Variants in SYNE2 observed in about 807,000 individuals in gnomAD.
The protein encoded by SYNE2 is nesprin-2.
A neutral mutation model predicts 856.3 loss-of-function variants in SYNE2; 431 were observed. The observed-to-expected ratio is 0.50, with a 90% CI of 0.47 to 0.55. SYNE2 has a LOEUF of 0.55. SYNE2 is among the 20% of genes least tolerant of loss of function. The pLI, the probability that SYNE2 is intolerant of heterozygous loss-of-function variation, is 0.00. For synonymous variants in SYNE2, 2,923 were observed against 2,872.3 expected, an observed-to-expected ratio of 1.02 and a Z score of -0.56; for missense variants, 8,129 against 8,023.2, an observed-to-expected ratio of 1.01 and a Z score of -0.50.
chr14:64,081,316 C>A (rs1432652841), intron 56 of SYNE2, 127 bp from the exon 57 acceptor site: 8 of 1,136,652 alleles, frequency 7.0e-6, no homozygotes, highest in Non-Finnish European at 1.1e-5. Context: ...GTAGCCCCAG[C>A]CATGGGGAGC....
At position 64,203,245 on chromosome 14, in the gene SYNE2, A is replaced by T. The variant is rs75002329; in HGVS notation, c.18201+282A>T. On this transcript the variant is annotated intron_variant, in intron 100 of 115. Transcript: ENST00000555002. ...ATTTTTTTAATTATGTCTTTTTTTAACTGATCTTTGTTGTGTTTTGTTAAT... is the reference window on the plus strand; with the variant it reads ...ATTTTTTTAATTATGTCTTTTTTTATCTGATCTTTGTTGTGTTTTGTTAAT... Among the ~76,000 whole-genome samples the T allele has an allele frequency of 0.029, 4,382 of 152,090 alleles. 82 individuals carry two copies. Among genetic ancestry groups the T allele is most frequent in the South Asian group, 0.066 (317 of 4,804 alleles).
intron 99 of SYNE2, among the ~76,000 whole-genome samples, chr14:64,194,379 AC>A (rs1470554234): frequency 6.6e-6 from 1 of 151,686 alleles, no homozygotes; most frequent in Non-Finnish European, 1.5e-5. Context: ...TGCAGCCTCT[AC>A]CTTTCAGGCT....
chr14:64,054,740 T>C (rs990724135), intron 48 of SYNE2, among the ~76,000 whole-genome samples: 1 of 152,212 alleles, frequency 6.6e-6, no homozygotes, highest in East Asian at 1.9e-4. Flanking sequence ...AGTGGATATC[T>C]TAGGCATCAT....
Position 64,031,304 on chromosome 14 carries a change from A to T in SYNE2, c.7168A>T (p.Thr2390Ser). Residue 2390 changes from threonine (T) to serine (S), a missense_variant, in exon 45 of 116, where the codon ACT becomes TCT. By Grantham distance (58) the Thr-to-Ser change is moderately conservative. Coordinates refer to ENST00000555002, the MANE Select transcript of SYNE2 (RefSeq NM_182914.3). ...KQATSDVQES[T>S]QESAAVEKLE... ...GGCCACTTCTGATGTGCAGGAGTCT[A>T]CTCAGGAATCAGCTGCAGTGGAAAA... is the stretch of plus-strand genomic sequence containing the variant. The T allele has an allele frequency of 6.2e-7, 1 of 1,614,160 alleles. No individual in the cohort carries two copies. Among genetic ancestry groups the T allele is most frequent in the Non-Finnish European group, 8.5e-7 (1 of 1,180,026 alleles).
At chr14:64,045,302 A>C (rs4275767) in intron 45 of SYNE2, among the ~76,000 whole-genome samples, 125,670 of 152,098 alleles carry the variant, frequency 0.83, 52,855 homozygotes, top group Non-Finnish European at 0.9. Context: ...GTTGTGTAAC[A>C]GTAGTCCTCA....
intron 86 of SYNE2, 152 bp downstream of exon 86, chr14:64,158,947 A>G: frequency 1.1e-6 from 1 of 897,330 alleles, no homozygotes; most frequent in South Asian, 1.4e-5. Flanking sequence ...TGGAAATTCC[A>G]AAATAAGTCA....
Position 64,090,889 on chromosome 14 carries a change from C to T in SYNE2, c.11817C>T (p.Pro3939=). Residue 3939 remains proline, a synonymous_variant, in exon 60 of 116, where the codon CCC becomes CCT. Coordinates refer to ENST00000555002, the MANE Select transcript of SYNE2 (RefSeq NM_182914.3). ...HGEVILENIR[P]MKKTIAEIVS... ...AGGTCATACTTGAAAATATACGTCCCATGAAGAAAACCATTGCTGAGATAG... is the reference window on the plus strand; with the variant it reads ...AGGTCATACTTGAAAATATACGTCCTATGAAGAAAACCATTGCTGAGATAG... 6.2e-7 allele frequency: 1 copy of T among 1,614,058 alleles called. No homozygotes were observed. The highest frequency in any genetic ancestry group is 1.6e-4 in the Middle Eastern group (1 of 6,062).
At chr14:63,855,525 G>T (rs1891492046) in intron 1 of SYNE2, among the ~76,000 whole-genome samples, 1 of 152,148 alleles carries the variant, frequency 6.6e-6, no homozygotes, top group South Asian at 2.1e-4. Flanking sequence ...GTTGTGCGCT[G>T]CCTGGAATGA....
At chr14:64,142,164 G>A in intron 82 of SYNE2, 76 bp downstream of exon 82, 1 of 1,540,334 alleles carries the variant, frequency 6.5e-7, no homozygotes. Flanking sequence ...TGGACAAAGG[G>A]ACACATAGGA....
intron 11 of SYNE2, among the ~76,000 whole-genome samples, chr14:63,969,151 A>C (rs915810798): frequency 6.6e-6 from 1 of 151,108 alleles, no homozygotes; most frequent in Non-Finnish European, 1.5e-5. Context: ...ACATTGTTGC[A>C]AATGACAGAA....
At chr14:64,209,720 G>C in intron 102 of SYNE2, 142 bp downstream of exon 102, 1 of 1,284,384 alleles carries the variant, frequency 7.8e-7, no homozygotes, top group Non-Finnish European at 1.1e-6. Flanking sequence ...GCCCCCAGCT[G>C]CTGAGACAGC....
intron 1 of SYNE2, among the ~76,000 whole-genome samples, chr14:63,855,611 T>TCTTTAC (rs1891521577): frequency 6.6e-6 from 1 of 152,206 alleles, no homozygotes; most frequent in Admixed American, 6.6e-5. Flanking sequence ...TTGATGTTAT[T>TCTTTAC]TTGTCAGTGA....
chr14:64,039,137 G>A (rs1465650101), intron 45 of SYNE2, among the ~76,000 whole-genome samples: 2 of 152,196 alleles, frequency 1.3e-5, no homozygotes, highest in African/African-American at 4.8e-5. Context: ...GTATGCTTAT[G>A]CAAGAGTTGT....
chr14:64,126,307 CTTTTTT>C lies in SYNE2; in HGVS notation c.13555-19_13555-14del. ...GCAAAGGTATCTTAATTTTCTTTTT[CTTTTTT>C]CCTCTTGATTCAGGAAAATATGACA... is the stretch of plus-strand genomic sequence containing the variant. On this transcript the variant is annotated splice_polypyrimidine_tract_variant and intron_variant, in intron 71 of 115. Transcript: ENST00000555002. 1 of 1,609,350 alleles carries C rather than the reference CTTTTTT, an allele frequency of 6.2e-7. No individual in the cohort carries two copies. Among genetic ancestry groups the C allele is most frequent in the South Asian group, 1.1e-5 (1 of 90,922 alleles).
intron 57 of SYNE2, chr14:64,084,644 G>A (rs1217701880): frequency 2.2e-5 from 6 of 275,612 alleles, no homozygotes; most frequent in Admixed American, 1.5e-4. Flanking sequence ...TGAGTAGTTT[G>A]TTTATCTACC....
intron 1 of SYNE2, among the ~76,000 whole-genome samples, chr14:63,799,232 CCAT>C (rs1888038967): frequency 6.6e-6 from 1 of 152,116 alleles, no homozygotes; most frequent in African/African-American, 2.4e-5. Context: ...GCATGCACCA[CCAT>C]GCCTGGCTAA....
intron 115 of SYNE2, 58 bp downstream of exon 115, chr14:64,225,103 C>G (rs2098712909): frequency 6.3e-7 from 1 of 1,597,072 alleles, no homozygotes; most frequent in Non-Finnish European, 8.6e-7. Flanking sequence ...CCCACTGACT[C>G]AGTCTTGCCA....
intron 57 of SYNE2, among the ~76,000 whole-genome samples, chr14:64,087,254 C>T (rs1002720348): frequency 6.6e-6 from 1 of 152,028 alleles, no homozygotes; most frequent in African/African-American, 2.4e-5. Context: ...GTTCTTTCTC[C>T]TATCAGTTAT....
chr14:63,810,280 C>T (rs77752516), intron 1 of SYNE2, among the ~76,000 whole-genome samples: 1,707 of 151,400 alleles, frequency 0.011, 29 homozygotes, highest in African/African-American at 0.038. Flanking sequence ...AACTGATTAG[C>T]AGTATCTGAT....
Sources: allele counts gnomAD v4.1 joint callset (sites outside exome capture counted in the v4.1 genomes callset), GRCh38; gene constraint gnomAD v4.1.1; transcripts MANE v1.5; gene names NCBI Gene and HGNC (gene_info 2026-07-23, HGNC 2026-07-21).